Variants in AHCTF1 observed in about 807,000 individuals in gnomAD.
AHCTF1 encodes protein ELYS.
AHCTF1 carries 24 observed loss-of-function variants against 248.4 expected under a neutral mutation model. The ratio of observed to expected loss-of-function variants is 0.10; its 90% CI spans 0.07 to 0.14. The LOEUF is 0.14. AHCTF1 is among the 10% of genes least tolerant of loss of function. AHCTF1 has a pLI of 1.00. For missense variants in AHCTF1, 2,206 were observed against 2,636.2 expected (o/e 0.84, Z 3.57); for synonymous variants, 786 against 929.8 (o/e 0.85, Z 2.81).
intron 6 of AHCTF1, 40 bp from the exon 7 acceptor site, chr1:246,904,073 T>C (rs764107980): frequency 6.6e-7 from 1 of 1,511,442 alleles, no homozygotes; most frequent in South Asian, 1.1e-5. Flanking sequence ...AATATATTAA[T>C]ACATTAAACA....
chr1:246,867,423 C>T, intron 25 of AHCTF1, 72 bp from the exon 26 acceptor site: 5 of 1,082,686 alleles, frequency 4.6e-6, no homozygotes, highest in Non-Finnish European at 6.7e-6. Flanking sequence ...GATGGGAGAA[C>T]AGAGGGTTTT....
intron 24 of AHCTF1, 93 bp from the exon 25 acceptor site, chr1:246,867,904 CACA>C (rs1558229745): frequency 0.088 from 26,722 of 302,994 alleles, 1,480 homozygotes; most frequent in Admixed American, 0.15. Context: ...CCCCCCCCCA[CACA>C]CACACACACA....
At position 246,918,283 on chromosome 1, in the gene AHCTF1, A is replaced by C. The variant is rs772853775; in HGVS notation, c.88T>G (p.Leu30Val). 6.2e-7 allele frequency: 1 copy of C among 1,611,536 alleles called. No individual in the cohort carries two copies. Among genetic ancestry groups the C allele is most frequent in the African/African-American group, 1.3e-5 (1 of 74,870 alleles). Reference protein sequence around the residue: ...LQALGEDEITLESVLRGKFAA... With the variant: ...LQALGEDEITVESVLRGKFAA... The stretch of plus-strand genomic sequence containing the variant: ...AACTTTCCACGAAGCACAGATTCTA[A>C]TGTTATTTCGTCTTCTCCAAGGGCT... Residue 30 changes from leucine to valine, a missense_variant, in exon 2 of 36, where the codon TTA becomes GTA. By Grantham distance (32) the Leu-to-Val change is conservative (BLOSUM62 1). Around this residue, in one of 6 missense-constraint regions of AHCTF1, gnomAD observed 69 missense variants for 85.4 expected, o/e 0.81. Transcript: ENST00000648844.
At chr1:246,931,418 A>C (rs1452809740) in intron 1 of AHCTF1, 160 bp downstream of exon 1, 1 of 1,451,964 alleles carries the variant, frequency 6.9e-7, no homozygotes, top group Non-Finnish European at 9.0e-7. Flanking sequence ...CGCCCCCTCG[A>C]GCCCCATCCG....
intron 35 of AHCTF1, among the ~76,000 whole-genome samples, chr1:246,841,852 C>T (rs575588773): frequency 3.9e-5 from 6 of 152,070 alleles, no homozygotes; most frequent in Admixed American, 6.5e-5. Context: ...AGTGCAGTGG[C>T]GTGATCTTGG....
chr1:246,868,846 G>GTTTTTTT (rs563383895), intron 24 of AHCTF1, among the ~76,000 whole-genome samples: 1 of 128,830 alleles, frequency 7.8e-6, no homozygotes. Context: ...TGTGTTTTTT[G>GTTTTTTT]TTTTTTTTTT....
At chr1:246,854,433 C>T (rs911412916) in intron 31 of AHCTF1, among the ~76,000 whole-genome samples, 1 of 152,014 alleles carries the variant, frequency 6.6e-6, no homozygotes, top group Non-Finnish European at 1.5e-5. Flanking sequence ...AAAACAAACC[C>T]CAAAATGGTG....
chr1:246,843,938 G>A lies in AHCTF1; in HGVS notation c.6392-10C>T. ...ACCTCTATTTTTTTAGCTAAAAAAA[G>A]TTGAAAAAACTGTATCTGTATCTTT... On this transcript the variant is annotated splice_polypyrimidine_tract_variant and intron_variant, in intron 33 of 35. Coordinates refer to ENST00000648844, the MANE Select transcript of AHCTF1 (RefSeq NM_001323342.2). 1 of 1,425,304 alleles carries A rather than the reference G, an allele frequency of 7.0e-7. No homozygotes were observed. The highest frequency in any genetic ancestry group is 9.2e-7 in the Non-Finnish European group (1 of 1,083,528). 88.3% of individuals were successfully genotyped at this position (1,425,304 alleles called of 1,614,324 possible). A position where few individuals can be genotyped will look rare whatever the true frequency, so the allele number is the denominator to read the frequency against.
chr1:246,850,002 C>T lies in AHCTF1; in HGVS notation c.6004G>A (p.Ala2002Thr). ...KEERSPKKKE[A>T]PSIRRRSTRN... Reference sequence around the variant, plus strand: ...GTAGATCTCCTTCTAATGCTGGGAGCTTCTTTCTTCTTGGGGCTTCTCTCT... The same window carrying T: ...GTAGATCTCCTTCTAATGCTGGGAGTTTCTTTCTTCTTGGGGCTTCTCTCT... The change falls in exon 33 of 36, where the codon GCT becomes ACT. Residue 2002 changes from alanine (A) to threonine (T), a missense_variant. Ala to Thr is a moderately conservative substitution (Grantham distance 58). Around this residue, in one of 6 missense-constraint regions of AHCTF1, gnomAD observed 469 missense variants for 470.0 expected, o/e 1.00. Coordinates refer to ENST00000648844, the MANE Select transcript of AHCTF1 (RefSeq NM_001323342.2). The T allele has an allele frequency of 1.2e-6, 2 of 1,613,176 alleles. No homozygotes were observed. The highest frequency in any genetic ancestry group is 1.7e-6 in the Non-Finnish European group (2 of 1,179,638).
intron 26 of AHCTF1, among the ~76,000 whole-genome samples, chr1:246,864,886 A>T (rs200792896): frequency 5.3e-4 from 12 of 22,642 alleles, no homozygotes; most frequent in Admixed American, 6.0e-4. Context: ...AAAAAAAAAA[A>T]AAAGACTAGA....
chr1:246,853,477 AG>A (rs1207708915), intron 31 of AHCTF1, among the ~76,000 whole-genome samples, 178 bp from the exon 32 acceptor site: 1 of 152,240 alleles, frequency 6.6e-6, no homozygotes, highest in Admixed American at 6.5e-5. Context: ...GAGATAAAAC[AG>A]AAAAAGGTAA....
chr1:246,915,267 T>C (rs1463776978), intron 3 of AHCTF1, among the ~76,000 whole-genome samples: 3 of 152,144 alleles, frequency 2.0e-5, no homozygotes, highest in African/African-American at 7.2e-5. Flanking sequence ...GACACAGAGG[T>C]TGCAGTGAGC....
chr1:246,844,836 C>A (rs1660134608), intron 33 of AHCTF1, among the ~76,000 whole-genome samples: 1 of 150,364 alleles, frequency 6.7e-6, no homozygotes, highest in East Asian at 2.0e-4. Context: ...ATAGGGCCCC[C>A]ATATTAAAAG....
At chr1:246,912,355 T>C (rs541052028) in intron 4 of AHCTF1, among the ~76,000 whole-genome samples, 51 of 151,468 alleles carry the variant, frequency 3.4e-4, no homozygotes, top group African/African-American at 1.2e-3. Flanking sequence ...TGGTGGCGTG[T>C]GCCTGTAATC....
intron 12 of AHCTF1, 72 bp from the exon 13 acceptor site, chr1:246,895,997 T>A: frequency 3.8e-6 from 5 of 1,314,986 alleles, no homozygotes; most frequent in Non-Finnish European, 5.3e-6. Flanking sequence ...AGTTCTGGTT[T>A]AGAATTTAAA....
At position 246,840,880 on chromosome 1, in the gene AHCTF1, C is replaced by T. The variant is rs1172172154; in HGVS notation, c.6727G>A (p.Gly2243Arg). The T allele has an allele frequency of 6.2e-7, 1 of 1,613,324 alleles. No individual in the cohort carries two copies. The highest frequency in any genetic ancestry group is 8.5e-7 in the Non-Finnish European group (1 of 1,179,686). The change falls in exon 36 of 36, where the codon GGA becomes AGA. Residue 2243 changes from glycine to arginine, a missense_variant. This residue lies in a region of AHCTF1 where 469 missense variants were observed against 470.0 expected (regional missense o/e 1.00). Transcript: ENST00000648844. The part of the protein sequence containing the change: ...SKPRKTTEVT[G>R]TGLGRNRKKL... Reference sequence around the variant, plus strand: ...TTTCTGTTCCTTCCAAGACCTGTTCCTGTCACTTCTGTAGTTTTTCTTGGT... The same window carrying T: ...TTTCTGTTCCTTCCAAGACCTGTTCTTGTCACTTCTGTAGTTTTTCTTGGT...
At chr1:246,886,810 A>C (rs543720529) in intron 20 of AHCTF1, among the ~76,000 whole-genome samples, 1 of 152,322 alleles carries the variant, frequency 6.6e-6, no homozygotes, top group South Asian at 2.1e-4. Context: ...ATTTTAAAGA[A>C]TAAAAGCTTT....
chr1:246,884,995 G>A (rs1421181455), intron 21 of AHCTF1, among the ~76,000 whole-genome samples: 1 of 151,990 alleles, frequency 6.6e-6, no homozygotes, highest in East Asian at 1.9e-4. Context: ...TAAACCCTCA[G>A]CTGTCCAGGC....
At chr1:246,858,625 C>T (rs542623955) in intron 29 of AHCTF1, among the ~76,000 whole-genome samples, 7 of 151,638 alleles carry the variant, frequency 4.6e-5, no homozygotes, top group Admixed American at 2.6e-4. Flanking sequence ...GTCAGGAGTT[C>T]GAGACCAGCC....
Sources: gnomAD v4.1 joint callset for allele counts (sites outside exome capture counted in the v4.1 genomes callset) on GRCh38, gnomAD v4.1.1 for gene constraint, gnomAD v4.1.1 regional missense constraint, MANE v1.5 for transcripts, NCBI Gene and HGNC (gene_info 2026-07-23, HGNC 2026-07-21) for gene names.